PRDM5: variants seen among roughly 807,000 people sequenced by gnomAD.
PRDM5 encodes the protein PR/SET domain 5.
Under a neutral mutation model 81.2 loss-of-function variants are expected in PRDM5, and 56 were observed. The ratio of observed to expected loss-of-function variants is 0.69; its 90% CI spans 0.56 to 0.86. The LOEUF (loss-of-function observed/expected upper bound fraction) is 0.86. Ranked by LOEUF, PRDM5 falls within the 40% of genes least tolerant of loss-of-function variation. The pLI, the probability that PRDM5 is intolerant of heterozygous loss-of-function variation, is 0.00. For synonymous variants in PRDM5, 267 were observed against 256.4 expected, an observed-to-expected ratio of 1.04 and a Z score of -0.39; for missense variants, 697 against 770.1, an observed-to-expected ratio of 0.91 and a Z score of 1.12.
intron 2 of PRDM5, among the ~76,000 whole-genome samples, chr4:120,883,212 T>C (rs1391589841): frequency 1.3e-5 from 2 of 152,204 alleles, no homozygotes; most frequent in Non-Finnish European, 2.9e-5. Context: ...AACAGAATTA[T>C]TAAGTATTAT....
intron 3 of PRDM5, 84 bp downstream of exon 3, chr4:120,853,334 C>T: frequency 1.3e-6 from 2 of 1,596,458 alleles, no homozygotes; most frequent in Admixed American, 1.7e-5. Flanking sequence ...CATTGGGAAA[C>T]AAATTTAAAA....
chr4:120,799,811 C>G, intron 8 of PRDM5, 66 bp from the exon 9 acceptor site: 1 of 1,573,134 alleles, frequency 6.4e-7, no homozygotes, highest in Non-Finnish European at 8.6e-7. Flanking sequence ...AGCTCTCAAG[C>G]AAAAGTGTAA....
intron 14 of PRDM5, among the ~76,000 whole-genome samples, chr4:120,738,952 TTGAC>T (rs1379303026): frequency 6.6e-6 from 1 of 152,250 alleles, no homozygotes; most frequent in African/African-American, 2.4e-5. Flanking sequence ...GTTTTGTGGA[TTGAC>T]TGGGTTCTGC....
At chr4:120,757,445 T>C (rs1015946849) in intron 13 of PRDM5, among the ~76,000 whole-genome samples, 2 of 152,254 alleles carry the variant, frequency 1.3e-5, no homozygotes, top group African/African-American at 4.8e-5. Flanking sequence ...ATGCCTGTTA[T>C]CCTAGAATAA....
chr4:120,799,932 T>TA (rs1256575359), intron 8 of PRDM5, among the ~76,000 whole-genome samples, 187 bp from the exon 9 acceptor site: 1 of 152,200 alleles, frequency 6.6e-6, no homozygotes, highest in East Asian at 1.9e-4. Context: ...AGTTATGTAG[T>TA]AAAAAATATC....
intron 2 of PRDM5, among the ~76,000 whole-genome samples, chr4:120,870,025 A>G (rs151122900): frequency 5.4e-4 from 82 of 152,260 alleles, no homozygotes; most frequent in Non-Finnish European, 9.3e-4. Flanking sequence ...GGAAGGAGGA[A>G]GAATAGGAGA....
At chr4:120,686,633 C>T (rs976965942) in intron 1 of PRDM5, among the ~76,000 whole-genome samples, 1 of 151,920 alleles carries the variant, frequency 6.6e-6, no homozygotes, top group African/African-American at 2.4e-5. Flanking sequence ...GTGAAAATGT[C>T]ATTAATTTGG....
chr4:120,707,519 T>G (rs1736363426), intron 15 of PRDM5, among the ~76,000 whole-genome samples: 1 of 151,522 alleles, frequency 6.6e-6, no homozygotes, highest in African/African-American at 2.4e-5. Context: ...ACCCTTTCCT[T>G]ATACCATATA....
At chr4:120,819,755 A>T (rs553015176) in intron 4 of PRDM5, among the ~76,000 whole-genome samples, 1 of 152,314 alleles carries the variant, frequency 6.6e-6, no homozygotes, top group Non-Finnish European at 1.5e-5. Context: ...AAAAAATAAA[A>T]TACAAAAACA....
At chr4:120,877,075 A>G (rs971578670) in intron 2 of PRDM5, among the ~76,000 whole-genome samples, 2 of 152,216 alleles carry the variant, frequency 1.3e-5, no homozygotes, top group Non-Finnish European at 2.9e-5. Context: ...TTTTCTCATG[A>G]GAAGGATAAA....
downstream of PRDM5, among the ~76,000 whole-genome samples, chr4:120,689,161 T>C (rs978525818): frequency 6.6e-6 from 1 of 152,186 alleles, no homozygotes; most frequent in Non-Finnish European, 1.5e-5. Flanking sequence ...CTTAGTCTAA[T>C]AGTATCTTAA....
intron 14 of PRDM5, among the ~76,000 whole-genome samples, chr4:120,733,080 T>C (rs537293737): frequency 2.0e-5 from 3 of 152,304 alleles, no homozygotes; most frequent in African/African-American, 7.2e-5. Flanking sequence ...AAAAAAGATA[T>C]GAAAGAAAAA....
chr4:120,791,060 T>A (rs1248374497), intron 10 of PRDM5, among the ~76,000 whole-genome samples: 2 of 152,114 alleles, frequency 1.3e-5, no homozygotes, highest in East Asian at 3.9e-4. Context: ...CAAAATGAAA[T>A]ATTGGTGAAG....
At chr4:120,819,894 A>G (rs1353809952) in intron 4 of PRDM5, among the ~76,000 whole-genome samples, 1 of 152,248 alleles carries the variant, frequency 6.6e-6, no homozygotes, top group East Asian at 1.9e-4. Flanking sequence ...AAACAGAAGC[A>G]TAAGCTGGCA....
In PRDM5 at chr4:120,872,150, C is replaced by CAAA. The variant is rs70948365; in HGVS notation, c.178-18613_178-18611dup. On this transcript the variant is annotated intron_variant, in intron 2 of 15. Coordinates refer to ENST00000264808, the MANE Select transcript of PRDM5 (RefSeq NM_018699.4). ...TGGGCGACAGAGCAAGACTCCATCTCAAAAAAAAAAAAAAAAAAAAAAAAC... is the reference window on the plus strand; with the variant it reads ...TGGGCGACAGAGCAAGACTCCATCTCAAAAAAAAAAAAAAAAAAAAAAAAAAAC... Among the ~76,000 whole-genome samples the CAAA allele has an allele frequency of 2.0e-3, 82 of 41,690 alleles. 3 individuals are homozygous for CAAA. The highest frequency in any genetic ancestry group is 3.8e-3 in the East Asian group (6 of 1,582). 27.4% of individuals were successfully genotyped at this position (41,690 alleles called of 152,430 possible).
At chr4:120,917,802 T>A (rs898324860) in intron 1 of PRDM5, among the ~76,000 whole-genome samples, 6 of 152,132 alleles carry the variant, frequency 3.9e-5, no homozygotes, top group African/African-American at 7.2e-5. Context: ...ATGTTTTTTT[T>A]AAAAGTGTGC....
chr4:120,753,935 T>C (rs1473067940), intron 14 of PRDM5, among the ~76,000 whole-genome samples: 1 of 152,166 alleles, frequency 6.6e-6, no homozygotes, highest in East Asian at 1.9e-4. Context: ...CTGCTTACAT[T>C]TTTTTAAAAG....
intron 10 of PRDM5, among the ~76,000 whole-genome samples, chr4:120,787,228 A>T (rs1207458338): frequency 6.6e-6 from 1 of 152,114 alleles, no homozygotes; most frequent in Non-Finnish European, 1.5e-5. Context: ...AAGGGTGGGT[A>T]TTCGGGTGAC....
At chr4:120,917,590 G>A (rs939407270) in intron 1 of PRDM5, among the ~76,000 whole-genome samples, 1 of 151,490 alleles carries the variant, frequency 6.6e-6, no homozygotes, top group African/African-American at 2.4e-5. Flanking sequence ...GGCATATAGA[G>A]TGATAAAGAT....
Sources: gnomAD v4.1 joint callset for allele counts (sites outside exome capture counted in the v4.1 genomes callset) on GRCh38, gnomAD v4.1.1 for gene constraint, MANE v1.5 for transcripts, NCBI Gene and HGNC (gene_info 2026-07-23, HGNC 2026-07-21) for gene names.